The following FOXP1 variants were observed in gnomAD, a reference collection of about 807,000 sequenced individuals.
The protein encoded by FOXP1 is forkhead box protein P1.
In FOXP1, 15 loss-of-function variants were observed where a neutral mutation model predicts 98.2. The ratio of observed to expected loss-of-function variants is 0.15; its 90% CI spans 0.10 to 0.24. The LOEUF (loss-of-function observed/expected upper bound fraction) is 0.24. Ranked by LOEUF, FOXP1 falls within the 10% of genes least tolerant of loss-of-function variation. FOXP1 has a pLI of 1.00. For synonymous variants in FOXP1, 371 were observed against 314.5 expected (o/e 1.18, Z -1.90); for missense variants, 633 against 848.5 (o/e 0.75, Z 3.15).
chr3:71,168,216 CAT>C (rs1179908451), intron 6 of FOXP1, among the ~76,000 whole-genome samples: 1 of 152,038 alleles, frequency 6.6e-6, no homozygotes, highest in African/African-American at 2.4e-5. Context: ...ACTGTAACCA[CAT>C]ACAGTTTATT....
chr3:71,139,715 A>G (rs1343554067), intron 6 of FOXP1, among the ~76,000 whole-genome samples: 1 of 152,186 alleles, frequency 6.6e-6, no homozygotes, highest in Non-Finnish European at 1.5e-5. Flanking sequence ...GAGAGTCCTC[A>G]TCCCAAGGAA....
At chr3:71,265,700 C>T (rs1436839377) in intron 5 of FOXP1, among the ~76,000 whole-genome samples, 3 of 152,168 alleles carry the variant, frequency 2.0e-5, no homozygotes, top group Non-Finnish European at 4.4e-5. Flanking sequence ...CACATGTTCA[C>T]GGTGCAGTGA....
chr3:71,284,057 A>T (rs948489738), intron 5 of FOXP1, among the ~76,000 whole-genome samples: 11 of 152,236 alleles, frequency 7.2e-5, no homozygotes, highest in African/African-American at 1.4e-4. Flanking sequence ...TTAAATAAAA[A>T]TTTTTAAAAA....
rs56889855 is a variant in FOXP1, at chr3:71,511,746, A to G, written c.-297-18191T>C. 4.0e-3 allele frequency among the ~76,000 whole-genome samples: 615 copies of G among 152,314 alleles called. 6 individuals carry two copies. Among genetic ancestry groups the G allele is most frequent in the African/African-American group, 0.014 (593 of 41,562 alleles). ...AATCCTTTTTTTGAAAAAGAATCTCATCATGGTTCAATGACTTAAAAATAT... is the reference window on the plus strand; with the variant it reads ...AATCCTTTTTTTGAAAAAGAATCTCGTCATGGTTCAATGACTTAAAAATAT... On this transcript the variant is annotated intron_variant, in intron 2 of 20. Transcript: ENST00000649528.
rs112880670 is a variant in FOXP1, at chr3:71,341,694, G to A, written c.-73+17456C>T. Among the ~76,000 whole-genome samples the A allele has an allele frequency of 1.1e-3, 175 of 152,230 alleles. 1 individual carries two copies. The East Asian group carries it at 0.025, about 21-fold the overall frequency. ...AGCCTGGGCAACAGAGTGAGACTCCGTCTCAAAAGAAAAAGAAAAACAAAG... is the reference window on the plus strand; with the variant it reads ...AGCCTGGGCAACAGAGTGAGACTCCATCTCAAAAGAAAAAGAAAAACAAAG... On this transcript the variant is annotated intron_variant, in intron 4 of 20. Coordinates refer to ENST00000649528, the MANE Select transcript of FOXP1 (RefSeq NM_001349338.3).
chr3:71,193,122 T>G (rs2063090463), intron 6 of FOXP1, among the ~76,000 whole-genome samples: 1 of 151,872 alleles, frequency 6.6e-6, no homozygotes, highest in Non-Finnish European at 1.5e-5. Context: ...ACATCCCCTT[T>G]GTTTGTTGTT....
At chr3:71,070,856 A>G (rs2053135255) in intron 7 of FOXP1, among the ~76,000 whole-genome samples, 2 of 152,186 alleles carry the variant, frequency 1.3e-5, no homozygotes, top group South Asian at 2.1e-4. Flanking sequence ...TGCAACCTCA[A>G]AAGCATTCAG....
intron 2 of FOXP1, among the ~76,000 whole-genome samples, chr3:71,499,765 G>A (rs886136647): frequency 2.0e-5 from 3 of 152,126 alleles, no homozygotes; most frequent in African/African-American, 7.2e-5. Flanking sequence ...GGGTGGAGCG[G>A]GCTCCATCAC....
chr3:71,480,001 G>A (rs1222521747), intron 3 of FOXP1, among the ~76,000 whole-genome samples: 6 of 152,088 alleles, frequency 3.9e-5, no homozygotes, highest in African/African-American at 1.4e-4. Context: ...TTCGACACCA[G>A]CCTGACCAAC....
At chr3:71,499,764 G>A (rs1026413063) in intron 2 of FOXP1, among the ~76,000 whole-genome samples, 2 of 152,098 alleles carry the variant, frequency 1.3e-5, no homozygotes, top group East Asian at 1.9e-4. Context: ...TGGGTGGAGC[G>A]GGCTCCATCA....
At chr3:71,256,261 G>A (rs1229305301) in intron 5 of FOXP1, among the ~76,000 whole-genome samples, 3 of 152,114 alleles carry the variant, frequency 2.0e-5, no homozygotes, top group Non-Finnish European at 4.4e-5. Context: ...GGACTCCAGA[G>A]AGGAAACTGC....
At chr3:71,296,038 G>T (rs2073253723) in intron 5 of FOXP1, 1 of 152,146 alleles carries the variant, frequency 6.6e-6, no homozygotes, top group African/African-American at 2.4e-5. Flanking sequence ...GAAGAAAATT[G>T]TTATATCACT....
At chr3:71,023,048 C>T (rs966856715) in intron 11 of FOXP1, among the ~76,000 whole-genome samples, 2 of 152,148 alleles carry the variant, frequency 1.3e-5, no homozygotes, top group East Asian at 1.9e-4. Context: ...CCTTTCCCAC[C>T]TCCTTTGACT....
intron 5 of FOXP1, among the ~76,000 whole-genome samples, chr3:71,226,080 GACACT>G (rs766521639): frequency 1.2e-4 from 19 of 152,234 alleles, no homozygotes; most frequent in Admixed American, 2.0e-4. Flanking sequence ...AAACTTCTGA[GACACT>G]ACTTCTATTT....
At chr3:71,347,704 A>G (rs1433950102) in intron 4 of FOXP1, among the ~76,000 whole-genome samples, 1 of 151,964 alleles carries the variant, frequency 6.6e-6, no homozygotes, top group African/African-American at 2.4e-5. Context: ...TGACCAACAT[A>G]GAGAAACCCC....
intron 13 of FOXP1, among the ~76,000 whole-genome samples, chr3:70,989,300 G>C (rs1160642247): frequency 8.6e-6 from 1 of 115,766 alleles, no homozygotes; most frequent in Non-Finnish European, 1.6e-5. Context: ...TATCACATTT[G>C]ATTTTTTTTT....
At chr3:71,343,013 G>C (rs2077105177) in intron 4 of FOXP1, among the ~76,000 whole-genome samples, 2 of 152,200 alleles carry the variant, frequency 1.3e-5, no homozygotes, top group Admixed American at 1.3e-4. Context: ...GGTAAGAGGA[G>C]CTACTTCATA....
At chr3:71,569,186 G>A (rs549685197) in intron 2 of FOXP1, among the ~76,000 whole-genome samples, 2 of 152,266 alleles carry the variant, frequency 1.3e-5, no homozygotes, top group South Asian at 4.1e-4. Flanking sequence ...AGACACAGAT[G>A]TCACTAATGG....
chr3:71,111,737 C>T (rs1337465621), intron 7 of FOXP1, among the ~76,000 whole-genome samples: 1 of 152,156 alleles, frequency 6.6e-6, no homozygotes, highest in Non-Finnish European at 1.5e-5. Flanking sequence ...TTCTTCTACT[C>T]CATTAAGCCC....
Sources: gnomAD v4.1 joint callset for allele counts (sites outside exome capture counted in the v4.1 genomes callset) on GRCh38, gnomAD v4.1.1 for gene constraint, MANE v1.5 for transcripts, NCBI Gene and HGNC (gene_info 2026-07-23, HGNC 2026-07-21) for gene names.